RPAP2: variants seen among roughly 807,000 people sequenced by gnomAD.
RPAP2 encodes the protein putative RNA polymerase II subunit B1 CTD phosphatase RPAP2.
RPAP2 carries 52 observed loss-of-function variants against 73.1 expected under a neutral mutation model. The observed-to-expected ratio is 0.71, with a 90% CI of 0.57 to 0.90. The LOEUF (loss-of-function observed/expected upper bound fraction) is 0.90. RPAP2 is among the 40% of genes least tolerant of loss of function. The pLI is 0.00. For missense variants in RPAP2, 598 were observed against 701.8 expected (o/e 0.85, Z 1.67); for synonymous variants, 225 against 242.1 (o/e 0.93, Z 0.65).
intron 8 of RPAP2, among the ~76,000 whole-genome samples, chr1:92,327,690 A>G (rs1652715686): frequency 1.3e-5 from 2 of 149,186 alleles, no homozygotes; most frequent in South Asian, 4.2e-4. Context: ...TATTCTATTC[A>G]TCGTGCTATT....
At chr1:92,376,129 A>G (rs1303616951) in intron 11 of RPAP2, among the ~76,000 whole-genome samples, 1 of 152,076 alleles carries the variant, frequency 6.6e-6, no homozygotes, top group Non-Finnish European at 1.5e-5. Flanking sequence ...TAACACTTAC[A>G]TAGTATTAGA....
rs1260907222 is a variant in RPAP2, at chr1:92,333,351, C to T, written c.1456-40C>T. The T allele has an allele frequency of 2.0e-6, 3 of 1,480,652 alleles. No homozygotes were observed. In the African/African-American group the frequency reaches 4.2e-5, roughly 21 times the overall value. The allele number at this position is 1,480,652 out of a possible 1,614,324, so 91.7% of individuals were successfully genotyped here. ...CTGCTTATCAAAGAAAGAATGTAAACTTATGATTCTGTTTTGCTTTGTTTA... is the reference window on the plus strand; with the variant it reads ...CTGCTTATCAAAGAAAGAATGTAAATTTATGATTCTGTTTTGCTTTGTTTA... On this transcript the variant is annotated intron_variant, in intron 8 of 12. Transcript: ENST00000610020.
rs1364266418 is a variant in RPAP2 at position 92,356,594 on chromosome 1, T to G, written c.1688+10680T>G. 2.0e-5 allele frequency among the ~76,000 whole-genome samples: 3 copies of G among 150,486 alleles called. 1 individual carries two copies. The highest frequency in any genetic ancestry group is 4.4e-5 in the Non-Finnish European group (3 of 67,526). ...TCACCACTCCTGGCTAATTTTTTTT[T>G]TTTTTTTTTTCTGTATTTTTAGTAG... is the stretch of plus-strand genomic sequence containing the variant. On this transcript the variant is annotated intron_variant, in intron 11 of 12. Coordinates refer to ENST00000610020, the MANE Select transcript of RPAP2 (RefSeq NM_024813.3).
intron 11 of RPAP2, among the ~76,000 whole-genome samples, chr1:92,372,747 A>C (rs1033768444): frequency 1.3e-5 from 2 of 152,144 alleles, no homozygotes; most frequent in Non-Finnish European, 2.9e-5. Context: ...GACACTAAAA[A>C]AATTTTTTTA....
At chr1:92,368,289 G>A (rs991606030) in intron 11 of RPAP2, among the ~76,000 whole-genome samples, 2 of 152,164 alleles carry the variant, frequency 1.3e-5, no homozygotes, top group African/African-American at 4.8e-5. Flanking sequence ...TGAGGCAGGA[G>A]AATCGCCTGA....
At chr1:92,356,791 A>G (rs1311424975) in intron 11 of RPAP2, among the ~76,000 whole-genome samples, 2 of 151,150 alleles carry the variant, frequency 1.3e-5, no homozygotes, top group African/African-American at 4.9e-5. Flanking sequence ...GGCCAGGCGC[A>G]GTGGCTCACA....
intron 11 of RPAP2, among the ~76,000 whole-genome samples, chr1:92,354,890 A>AATT (rs58610684): frequency 0.051 from 7,503 of 147,658 alleles, 407 homozygotes; most frequent in African/African-American, 0.13. Context: ...AATTTATGTA[A>AATT]ATTATTATTA....
Position 92,323,638 on chromosome 1 carries a change from C to T in RPAP2, c.718C>T (p.Pro240Ser). The T allele has an allele frequency of 1.2e-6, 2 of 1,613,920 alleles. No homozygotes were observed. Among genetic ancestry groups the T allele is most frequent in the Non-Finnish European group, 1.7e-6 (2 of 1,179,954 alleles). The stretch of plus-strand genomic sequence containing the variant: ...CAGACCAAATTCAACAAATATTAGA[C>T]CACAGCTGCACCAAAAAAGCATAAT... ...GNRPNSTNIR[P>S]QLHQKSIMKK... Residue 240 changes from proline to serine, a missense_variant, in exon 8 of 13, where the codon CCA (proline) becomes TCA (serine). Around this residue, in one of 3 missense-constraint regions of RPAP2, gnomAD observed 506 missense variants for 612.8 expected, o/e 0.83. Coordinates refer to ENST00000610020, the MANE Select transcript of RPAP2 (RefSeq NM_024813.3).
chr1:92,346,489 T>C (rs1653908501), intron 11 of RPAP2, among the ~76,000 whole-genome samples: 1 of 152,156 alleles, frequency 6.6e-6, no homozygotes, highest in South Asian at 2.1e-4. Flanking sequence ...AAGAGACAAA[T>C]ATCCTCATGT....
chr1:92,361,092 AATAT>A (rs1285286459), intron 11 of RPAP2, among the ~76,000 whole-genome samples: 1 of 120,088 alleles, frequency 8.3e-6, no homozygotes, highest in Non-Finnish European at 1.7e-5. Context: ...ATATATATAT[AATAT>A]ATATATACAC....
At chr1:92,361,417 G>A (rs1654728882) in intron 11 of RPAP2, among the ~76,000 whole-genome samples, 1 of 152,012 alleles carries the variant, frequency 6.6e-6, no homozygotes, top group African/African-American at 2.4e-5. Context: ...TGAATGGATG[G>A]GAAAAACTTG....
At chr1:92,375,087 A>T (rs1655332006) in intron 11 of RPAP2, among the ~76,000 whole-genome samples, 1 of 152,206 alleles carries the variant, frequency 6.6e-6, no homozygotes, top group Non-Finnish European at 1.5e-5. Flanking sequence ...GACCTTATTC[A>T]ATTTTGAATG....
intron 10 of RPAP2, among the ~76,000 whole-genome samples, chr1:92,345,462 A>AG (rs1653839831): frequency 9.8e-6 from 1 of 102,298 alleles, no homozygotes; most frequent in Non-Finnish European, 1.9e-5. Flanking sequence ...GGACAGAGGG[A>AG]GGGAGGGAAA....
chr1:92,301,281 C>G (rs553723227), intron 2 of RPAP2, among the ~76,000 whole-genome samples, 195 bp from the exon 3 acceptor site: 1 of 151,958 alleles, frequency 6.6e-6, no homozygotes, highest in Non-Finnish European at 1.5e-5. Context: ...GCCAGGAGCT[C>G]GAGACCAGTT....
intron 10 of RPAP2, among the ~76,000 whole-genome samples, chr1:92,344,966 A>T (rs1232729052): frequency 1.3e-5 from 2 of 152,004 alleles, no homozygotes; most frequent in African/African-American, 4.8e-5. Flanking sequence ...GATCTTTCTA[A>T]ATGCTTTCTG....
At chr1:92,380,526 C>T (rs1251943553) in intron 11 of RPAP2, among the ~76,000 whole-genome samples, 198 bp from the exon 12 acceptor site, 2 of 152,178 alleles carry the variant, frequency 1.3e-5, no homozygotes, top group Admixed American at 6.5e-5. Flanking sequence ...ATACTTCTTT[C>T]ATACTTAATG....
intron 10 of RPAP2, among the ~76,000 whole-genome samples, chr1:92,345,471 A>G (rs12129241): frequency 6.7e-6 from 1 of 149,204 alleles, no homozygotes; most frequent in African/African-American, 2.5e-5. Flanking sequence ...GAGGGAGGGA[A>G]AGAGGGGAGG....
At chr1:92,334,956 C>G (rs565839362) in intron 9 of RPAP2, among the ~76,000 whole-genome samples, 1 of 152,114 alleles carries the variant, frequency 6.6e-6, no homozygotes, top group East Asian at 1.9e-4. Flanking sequence ...CCACTGCACT[C>G]CAGCCTGAGC....
chr1:92,301,665 C>T (rs935778975), intron 3 of RPAP2, 75 bp downstream of exon 3: 4 of 551,358 alleles, frequency 7.3e-6, no homozygotes, highest in Non-Finnish European at 9.3e-6. Flanking sequence ...AACTTCTTTG[C>T]ATTATTAGAA....
Sources: allele counts gnomAD v4.1 joint callset (sites outside exome capture counted in the v4.1 genomes callset), GRCh38; gene constraint gnomAD v4.1.1; regional missense constraint gnomAD v4.1.1; transcripts MANE v1.5; gene names NCBI Gene and HGNC (gene_info 2026-07-23, HGNC 2026-07-21).